The following CACNG4 variants were observed in gnomAD, a reference collection of about 807,000 sequenced individuals.
CACNG4 encodes the protein voltage-dependent calcium channel gamma-4 subunit.
CACNG4 carries 8 observed loss-of-function variants against 22.9 expected under a neutral mutation model. The observed-to-expected ratio is 0.35, with a 90% CI of 0.21 to 0.63. The LOEUF is 0.63. Ranked by LOEUF, CACNG4 falls within the 30% of genes least tolerant of loss-of-function variation. The pLI is 0.72. For synonymous variants in CACNG4, 188 were observed against 191.9 expected (o/e 0.98, Z 0.17); for missense variants, 357 against 455.4 (o/e 0.78, Z 1.97).
At chr17:67,026,583 G>C (rs537455403) in intron 3 of CACNG4, among the ~76,000 whole-genome samples, 1 of 149,770 alleles carries the variant, frequency 6.7e-6, no homozygotes, top group Admixed American at 6.6e-5. Context: ...TATGGTGTGT[G>C]TGTGTGTCTG....
At chr17:67,013,852 G>A (rs2035481545) in intron 1 of CACNG4, among the ~76,000 whole-genome samples, 2 of 152,050 alleles carry the variant, frequency 1.3e-5, no homozygotes, top group South Asian at 2.1e-4. Context: ...CCTGATATGT[G>A]CAGATGAAGG....
intron 1 of CACNG4, among the ~76,000 whole-genome samples, chr17:66,976,876 G>A (rs1000864930): frequency 1.6e-4 from 25 of 152,058 alleles, no homozygotes; most frequent in African/African-American, 5.6e-4. Flanking sequence ...TGTGCTTCCC[G>A]CCAGTGTGGT....
chr17:66,968,013 T>C (rs2031364234), intron 1 of CACNG4, among the ~76,000 whole-genome samples: 1 of 152,140 alleles, frequency 6.6e-6, no homozygotes. Flanking sequence ...GTGTCCAAAA[T>C]ACTCAAGTGT....
chr17:66,992,755 G>A (rs1454783688), intron 1 of CACNG4, among the ~76,000 whole-genome samples: 1 of 152,370 alleles, frequency 6.6e-6, no homozygotes. Context: ...TGAGCCCAAA[G>A]CTGGACTTCC....
chr17:67,031,874 G>T lies in CACNG4; in HGVS notation c.*870G>T. ...CAACTCTGTCCCCTGAGCGTTGGGG[G>T]TCCCGGGGGAGAGGTGGACAGACAC... On this transcript the variant is annotated 3_prime_UTR_variant, in exon 4 of 4. Coordinates refer to ENST00000262138, the MANE Select transcript of CACNG4 (RefSeq NM_014405.4). This position sits in a 1 kb window ranked among gnomAD's most constrained non-coding sequence, Gnocchi z 4.0. 2.2e-6 allele frequency: 1 copy of T among 456,670 alleles called. No homozygotes were observed. The highest frequency in any genetic ancestry group is 1.5e-5 in the South Asian group (1 of 64,562). 28.3% of individuals were successfully genotyped at this position (456,670 alleles called of 1,614,324 possible).
chr17:66,993,454 CAGA>C (rs2035354404), intron 1 of CACNG4, among the ~76,000 whole-genome samples: 1 of 152,120 alleles, frequency 6.6e-6, no homozygotes, highest in South Asian at 2.1e-4. Flanking sequence ...CATCTGGGGG[CAGA>C]AGACTGCTTC....
intron 1 of CACNG4, among the ~76,000 whole-genome samples, chr17:66,990,669 T>TA (rs1176508699): frequency 1.4e-5 from 2 of 143,238 alleles, no homozygotes; most frequent in Non-Finnish European, 3.0e-5. Context: ...TATTTTATTT[T>TA]ATTTTATTTT....
In CACNG4 at chr17:67,031,177, G is replaced by C. The variant is rs138591032; in HGVS notation, c.*173G>C. ...TGCACGAAGGTTGTGCTGGGAGACC[G>C]GACCCGGGGCTGCAGAAGAAGCTGA... On this transcript the variant is annotated 3_prime_UTR_variant, in exon 4 of 4. Coordinates refer to ENST00000262138, the MANE Select transcript of CACNG4 (RefSeq NM_014405.4). The surrounding 1 kb of genome is among the most constrained non-coding windows in gnomAD (Gnocchi z 4.0). 1.0e-5 allele frequency: 7 copies of C among 692,078 alleles called. No individual in the cohort carries two copies. Among genetic ancestry groups the C allele is most frequent in the South Asian group, 1.8e-5 (1 of 54,692 alleles). 42.9% of individuals were successfully genotyped at this position (692,078 alleles called of 1,614,324 possible).
At chr17:67,013,677 C>T (rs1232505387) in intron 1 of CACNG4, among the ~76,000 whole-genome samples, 2 of 152,042 alleles carry the variant, frequency 1.3e-5, no homozygotes, top group African/African-American at 4.8e-5. Context: ...TAGTGGCATG[C>T]ACCTGTAGTC....
intron 1 of CACNG4, among the ~76,000 whole-genome samples, chr17:66,992,843 C>T (rs944781853): frequency 2.0e-5 from 3 of 152,228 alleles, no homozygotes; most frequent in African/African-American, 7.2e-5. Context: ...TTTATGAGGG[C>T]CTGTCTGCTT....
chr17:66,965,459 G>A (rs2143262461), intron 1 of CACNG4, among the ~76,000 whole-genome samples: 1 of 151,168 alleles, frequency 6.6e-6, no homozygotes, highest in African/African-American at 2.4e-5. Flanking sequence ...GCACGCGCGC[G>A]TAGCCCGGGA....
chr17:67,028,328 C>T lies in CACNG4; in HGVS notation c.446-2138C>T, dbSNP rs567766050. Among the ~76,000 whole-genome samples, 4 of 152,058 alleles carry T rather than the reference C, an allele frequency of 2.6e-5. No homozygotes were observed. The East Asian group carries it at 5.8e-4, about 22-fold the overall frequency. On this transcript the variant is annotated intron_variant, in intron 3 of 3. Transcript: ENST00000262138. ...CAGCACTTTGGGAGGCTGAGGCGGG[C>T]GGATCACAAGCTCAGGAGATCGAGA...
intron 1 of CACNG4, among the ~76,000 whole-genome samples, chr17:67,000,426 T>A (rs560491067): frequency 9.2e-5 from 14 of 151,646 alleles, no homozygotes; most frequent in Middle Eastern, 3.4e-3. Flanking sequence ...TTTTTTTTTT[T>A]AAATGCAAGC....
intron 1 of CACNG4, among the ~76,000 whole-genome samples, chr17:66,982,394 G>A (rs1598105645): frequency 1.3e-5 from 2 of 151,982 alleles, no homozygotes; most frequent in South Asian, 4.1e-4. Context: ...AGTGCTGATT[G>A]GTGTGTTTTT....
chr17:67,009,093 CA>C (rs1388080904), intron 1 of CACNG4, among the ~76,000 whole-genome samples: 3 of 152,114 alleles, frequency 2.0e-5, no homozygotes, highest in Non-Finnish European at 2.9e-5. Flanking sequence ...GATGCTTCTA[CA>C]AGCCAAGGAA....
At chr17:67,004,933 G>A (rs1050818442) in intron 1 of CACNG4, among the ~76,000 whole-genome samples, 2 of 152,026 alleles carry the variant, frequency 1.3e-5, no homozygotes, top group African/African-American at 4.8e-5. Flanking sequence ...CGTGTTGTCC[G>A]AGCTGGTCTC....
intron 1 of CACNG4, among the ~76,000 whole-genome samples, chr17:66,976,142 G>A (rs1332052867): frequency 6.6e-6 from 1 of 152,160 alleles, no homozygotes; most frequent in African/African-American, 2.4e-5. Flanking sequence ...GCCAGGGCCA[G>A]GGTAGAGGAG....
intron 1 of CACNG4, among the ~76,000 whole-genome samples, chr17:67,004,459 C>T (rs1266706022): frequency 1.3e-5 from 2 of 152,160 alleles, no homozygotes; most frequent in Non-Finnish European, 2.9e-5. Flanking sequence ...TTCCACGCAG[C>T]GTGGGGCTGG....
intron 1 of CACNG4, among the ~76,000 whole-genome samples, chr17:66,998,679 G>A (rs2035389417): frequency 6.6e-6 from 1 of 152,180 alleles, no homozygotes; most frequent in Non-Finnish European, 1.5e-5. Flanking sequence ...CTCACCCAGG[G>A]CCAGACCCTG....
Sources: gnomAD v4.1 joint callset for allele counts (sites outside exome capture counted in the v4.1 genomes callset) on GRCh38, gnomAD v4.1.1 for gene constraint, Gnocchi (gnomAD v3.1) non-coding constraint, MANE v1.5 for transcripts, NCBI Gene and HGNC (gene_info 2026-07-23, HGNC 2026-07-21) for gene names.